The following UGT3A1 variants were observed in gnomAD, a reference collection of about 807,000 sequenced individuals.
The protein encoded by UGT3A1 is UDP glycosyltransferase family 3 member A1.
Under a neutral mutation model 37.6 loss-of-function variants are expected in UGT3A1, and 40 were observed. The ratio of observed to expected loss-of-function variants is 1.06; its 90% CI spans 0.83 to 1.38. The LOEUF is 1.38. UGT3A1 is among the 40% of genes most tolerant of loss of function. The pLI is 0.00. For missense variants in UGT3A1, 642 were observed against 634.2 expected (o/e 1.01, Z -0.13); for synonymous variants, 256 against 232.3 (o/e 1.10, Z -0.93).
In UGT3A1 at chr5:35,991,250, C is replaced by A; in HGVS notation, c.-10G>T. 6.2e-7 allele frequency: 1 copy of A among 1,614,178 alleles called. No homozygotes were observed. Among genetic ancestry groups the A allele is most frequent in the Non-Finnish European group, 8.5e-7 (1 of 1,179,990 alleles). ...CCCGCTGCCCAACCATGCTCACTTC[C>A]ACAGAAGCAGCGGATCTCAGCCTGG... On this transcript the variant is annotated 5_prime_UTR_variant, in exon 1 of 7. Transcript: ENST00000274278.
intron 2 of UGT3A1, among the ~76,000 whole-genome samples, chr5:35,972,124 G>T (rs1055975160): frequency 2.0e-5 from 3 of 152,084 alleles, no homozygotes; most frequent in Admixed American, 2.0e-4. Flanking sequence ...TAAAACAGAG[G>T]ACTCCAAATT....
In UGT3A1 at chr5:35,957,437, A is replaced by G; in HGVS notation, c.844-18T>C. 6.2e-7 allele frequency: 1 copy of G among 1,609,160 alleles called. No homozygotes were observed. The highest frequency in any genetic ancestry group is 8.5e-7 in the Non-Finnish European group (1 of 1,177,108). On this transcript the variant is annotated intron_variant, in intron 4 of 6. Transcript: ENST00000274278. ...TCCAAGTCCTAGAGAGAGATGACAA[A>G]AGAAAGGAGGTGGCAAAATTGAGAA...
chr5:35,990,282 C>A (rs772398491), intron 1 of UGT3A1, among the ~76,000 whole-genome samples: 1 of 151,918 alleles, frequency 6.6e-6, no homozygotes, highest in African/African-American at 2.4e-5. Flanking sequence ...TCAAAATGGG[C>A]ACTAAATTAG....
chr5:35,987,843 T>C (rs1740785522), intron 2 of UGT3A1, among the ~76,000 whole-genome samples: 1 of 152,210 alleles, frequency 6.6e-6, no homozygotes, highest in South Asian at 2.1e-4. Context: ...TGGACCTCCG[T>C]CTCCTTGTCT....
chr5:35,976,565 C>A (rs566273435), intron 2 of UGT3A1, among the ~76,000 whole-genome samples: 2 of 152,260 alleles, frequency 1.3e-5, no homozygotes, highest in African/African-American at 4.8e-5. Context: ...GTAGGACAGG[C>A]ATAGTAGCTC....
At chr5:35,999,770 C>T (rs1741179042) in intron 1 of UGT3A1, among the ~76,000 whole-genome samples, 1 of 152,162 alleles carries the variant, frequency 6.6e-6, no homozygotes, top group Admixed American at 6.5e-5. Context: ...TTTTCCTTTT[C>T]CAGCTGGACC....
At position 35,970,300 on chromosome 5, in the gene UGT3A1, G is replaced by A. The variant is rs138205537; in HGVS notation, c.197-2167C>T. 3.3e-3 allele frequency among the ~76,000 whole-genome samples: 499 copies of A among 152,058 alleles called. 2 individuals are homozygous for A. The highest frequency in any genetic ancestry group is 0.011 in the African/African-American group (462 of 41,486). On this transcript the variant is annotated intron_variant, in intron 2 of 6. Coordinates refer to ENST00000274278, the MANE Select transcript of UGT3A1 (RefSeq NM_152404.4). ...CCAGCTACTCAGGAGGCTGAGGCAG[G>A]AGAATCACTTGAACCTGGGAGGCAG...
chr5:35,971,218 C>T (rs1367096347), intron 2 of UGT3A1, among the ~76,000 whole-genome samples: 1 of 152,116 alleles, frequency 6.6e-6, no homozygotes, highest in Non-Finnish European at 1.5e-5. Context: ...CAAGCACAAT[C>T]ATTCAAGACA....
rs570105620 is a variant in UGT3A1 at position 35,989,103 on chromosome 5, C to T, written c.95-552G>A. Among the ~76,000 whole-genome samples, 4 of 152,288 alleles carry T rather than the reference C, an allele frequency of 2.6e-5. No individual in the cohort carries two copies. In the South Asian group the frequency reaches 8.3e-4, roughly 32 times the overall value. ...AACTGCCATTGGACAGAAGCTACTA[C>T]TTAGAGCCCAAATCTTTGTGATTAA... On this transcript the variant is annotated intron_variant, in intron 1 of 6. Coordinates refer to ENST00000274278, the MANE Select transcript of UGT3A1 (RefSeq NM_152404.4).
At chr5:35,968,741 T>A (rs4869450) in intron 2 of UGT3A1, among the ~76,000 whole-genome samples, 19,661 of 152,076 alleles carry the variant, frequency 0.13, 1,856 homozygotes, top group East Asian at 0.38. Context: ...CCCCAGCTCC[T>A]ACTTCACTTT....
rs753678670 is a variant in UGT3A1 at position 35,968,116 on chromosome 5, T to C, written c.214A>G (p.Lys72Glu). Residue 72 changes from lysine (K) to glutamate (E), a missense_variant, in exon 3 of 7, where the codon AAA becomes GAA. Lys to Glu is a moderately conservative substitution (Grantham distance 56). Coordinates refer to ENST00000274278, the MANE Select transcript of UGT3A1 (RefSeq NM_152404.4). The part of the protein sequence containing the change: ...FLIPDIKEEE[K>E]SYQVIRWFSP... ...AACCACCTGATAACTTGGTATGATTTTTCCTCCTCTTTAATATCTAAGAAA... is the reference window on the plus strand; with the variant it reads ...AACCACCTGATAACTTGGTATGATTCTTCCTCCTCTTTAATATCTAAGAAA... The C allele has an allele frequency of 8.1e-6, 13 of 1,611,572 alleles. No homozygotes were observed. Among genetic ancestry groups the C allele is most frequent in the Non-Finnish European group, 8.5e-6 (10 of 1,178,654 alleles).
intron 2 of UGT3A1, among the ~76,000 whole-genome samples, chr5:35,986,342 A>C (rs1740728022): frequency 1.3e-5 from 2 of 152,280 alleles, no homozygotes; most frequent in Non-Finnish European, 2.9e-5. Context: ...AAAGAAAAAA[A>C]GTCAATATAT....
Position 35,988,571 on chromosome 5 carries a change from T to A in UGT3A1, c.95-20A>T. On this transcript the variant is annotated intron_variant, in intron 1 of 6. Transcript: ENST00000274278. ...TTCCACCTAGAAACAATGCACAATG[T>A]CTTTTGTAAAGATGAAAATAGAGTT... 1 of 1,566,264 alleles carries A rather than the reference T, an allele frequency of 6.4e-7. No homozygotes were observed. Among genetic ancestry groups the A allele is most frequent in the Non-Finnish European group, 8.7e-7 (1 of 1,149,140 alleles).
chr5:35,961,518 T>A lies in UGT3A1; in HGVS notation c.843+3868A>T, dbSNP rs545245506. On this transcript the variant is annotated intron_variant, in intron 4 of 6. Coordinates refer to ENST00000274278, the MANE Select transcript of UGT3A1 (RefSeq NM_152404.4). ...TAAAACCATTCTGCTTTGAGCTGTT[T>A]CACCCTGGTGAAAGAAATTAAACCT... 14 of 152,346 alleles carry A rather than the reference T, an allele frequency of 9.2e-5. 1 individual carries two copies. In the South Asian group the frequency reaches 2.7e-3, roughly 29 times the overall value. 9.4% of individuals were successfully genotyped at this position (152,346 alleles called of 1,614,324 possible). A position where few individuals can be genotyped will look rare whatever the true frequency, so the allele number is the denominator to read the frequency against.
chr5:35,968,399 T>G (rs377011461), intron 2 of UGT3A1, among the ~76,000 whole-genome samples: 3 of 152,238 alleles, frequency 2.0e-5, no homozygotes, highest in African/African-American at 7.2e-5. Flanking sequence ...GAACAGCTAT[T>G]ACACTTATTT....
chr5:35,975,341 C>A (rs7702219), intron 2 of UGT3A1, among the ~76,000 whole-genome samples: 77,974 of 152,156 alleles, frequency 0.51, 22,805 homozygotes, highest in Non-Finnish European at 0.66. Context: ...CTCAGGGTAA[C>A]CTAGTCAGCT....
chr5:35,975,204 A>T (rs777967712), intron 2 of UGT3A1, among the ~76,000 whole-genome samples: 7 of 152,146 alleles, frequency 4.6e-5, no homozygotes, highest in Non-Finnish European at 1.0e-4. Flanking sequence ...GGTAGCAGGG[A>T]TGGAGTTTAT....
rs1739247931 is a variant in UGT3A1, at chr5:35,953,760, G to A, written c.*442C>T. 1 of 162,766 alleles carries A rather than the reference G, an allele frequency of 6.1e-6. No individual in the cohort carries two copies. The highest frequency in any genetic ancestry group is 5.9e-5 in the Admixed American group (1 of 16,938). 10.1% of individuals were successfully genotyped at this position (162,766 alleles called of 1,614,324 possible). On this transcript the variant is annotated 3_prime_UTR_variant, in exon 7 of 7. Coordinates refer to ENST00000274278, the MANE Select transcript of UGT3A1 (RefSeq NM_152404.4). ...TGCAGGAGAGCAGACCAGGTTTCCTGAGCTTTGAGGAGAGCTTATAGGAAG... is the reference window on the plus strand; with the variant it reads ...TGCAGGAGAGCAGACCAGGTTTCCTAAGCTTTGAGGAGAGCTTATAGGAAG...
chr5:35,953,942 G>C lies in UGT3A1; in HGVS notation c.*260C>G, dbSNP rs1452747800. ...TGAAGTTGTCAGAGTCCTGTGTCTA[G>C]GAAAAGGGAGAAAGGAGGAGGCAGG... is the stretch of plus-strand genomic sequence containing the variant. On this transcript the variant is annotated 3_prime_UTR_variant, in exon 7 of 7. Coordinates refer to ENST00000274278, the MANE Select transcript of UGT3A1 (RefSeq NM_152404.4). The C allele has an allele frequency of 2.3e-6, 1 of 442,618 alleles. No individual in the cohort carries two copies. The highest frequency in any genetic ancestry group is 4.1e-6 in the Non-Finnish European group (1 of 245,228). 27.4% of individuals were successfully genotyped at this position (442,618 alleles called of 1,614,324 possible).
Sources: allele counts gnomAD v4.1 joint callset (sites outside exome capture counted in the v4.1 genomes callset), GRCh38; gene constraint gnomAD v4.1.1; transcripts MANE v1.5; gene names NCBI Gene and HGNC (gene_info 2026-07-23, HGNC 2026-07-21).